Variants in COL28A1 observed in about 807,000 individuals in gnomAD.
COL28A1 encodes collagen type XXVIII alpha 1 chain.
COL28A1 carries 161 observed loss-of-function variants against 150.2 expected under a neutral mutation model. The ratio of observed to expected loss-of-function variants is 1.07; its 90% CI spans 0.94 to 1.22. The LOEUF (loss-of-function observed/expected upper bound fraction) is 1.22. Among genes scored for constraint, COL28A1 ranks in the 50% most tolerant of loss-of-function variants. The pLI is 0.00. For missense variants in COL28A1, 1,617 were observed against 1,388.3 expected (o/e 1.16, Z -2.62); for synonymous variants, 552 against 469.7 (o/e 1.18, Z -2.26).
At chr7:7,517,081 T>C (rs1251405808) in intron 7 of COL28A1, among the ~76,000 whole-genome samples, 1 of 152,198 alleles carries the variant, frequency 6.6e-6, no homozygotes, top group Non-Finnish European at 1.5e-5. Flanking sequence ...ACCTAAGAAA[T>C]GTTTCCTGAA....
chr7:7,437,025 G>A (rs936516571), intron 22 of COL28A1, among the ~76,000 whole-genome samples: 1 of 152,176 alleles, frequency 6.6e-6, no homozygotes, highest in African/African-American at 2.4e-5. Context: ...GGGAAAGAGT[G>A]AGACTGTCTC....
the COL28A1 span, among the ~76,000 whole-genome samples, chr7:7,340,034 A>T: frequency 8.7e-4 from 132 of 152,176 alleles, 1 homozygote; most frequent in African/African-American, 3.1e-3. Flanking sequence ...TCTATTTCCC[A>T]GGCTGGAGTA....
downstream of COL28A1, among the ~76,000 whole-genome samples, chr7:7,352,551 G>C (rs1385255042): frequency 6.6e-6 from 1 of 152,184 alleles, no homozygotes; most frequent in Non-Finnish European, 1.5e-5. Flanking sequence ...ATGGCAGAAT[G>C]TGAAGGACCC....
Position 7,440,808 on chromosome 7 carries a change from TG to T in COL28A1, c.1703del (p.Pro568GlnfsTer116). 6.6e-7 allele frequency: 1 copy of T among 1,513,112 alleles called. No individual in the cohort carries two copies. Among genetic ancestry groups the T allele is most frequent in the Non-Finnish European group, 9.2e-7 (1 of 1,089,260 alleles). 93.7% of individuals were successfully genotyped at this position (1,513,112 alleles called of 1,614,324 possible). A position where few individuals can be genotyped will look rare whatever the true frequency, so the allele number is the denominator to read the frequency against. ...SKGNQGQRGLPGPEGPKGEPG... is the reference protein window; with the variant it reads ...SKGNQGQRGLXGPEGPKGEPG... The stretch of plus-strand genomic sequence containing the variant: ...AACATACCTTTGGTCCTTCGGGCCC[TG>T]GAAGTCCCCTCTGTCCTTGATTTCC... On this transcript the variant is annotated frameshift_variant, in exon 21 of 35. Coordinates refer to ENST00000399429, the MANE Select transcript of COL28A1 (RefSeq NM_001037763.3). LOFTEE classifies it high-confidence loss of function.
chr7:7,504,642 C>T (rs1270882873), intron 11 of COL28A1, among the ~76,000 whole-genome samples: 5 of 152,230 alleles, frequency 3.3e-5, no homozygotes, highest in Non-Finnish European at 2.9e-5. Flanking sequence ...CCAGCACCAC[C>T]TCAGTGCCCT....
At position 7,520,097 on chromosome 7, in the gene COL28A1, CT is replaced by C; in HGVS notation, c.777del (p.Gly260ValfsTer46). ...TTTGGTCCTCGCTCACCTTTGATAC[CT>C]GGATTTCCATGTGTACCCTGAAGGC... is the stretch of plus-strand genomic sequence containing the variant. ...DPGPPGTHGN[P>X]GIKGERGPKG... On this transcript the variant is annotated frameshift_variant, in exon 6 of 35. Transcript: ENST00000399429. LOFTEE classifies it high-confidence loss of function. 7.0e-7 allele frequency: 1 copy of C among 1,420,644 alleles called. No homozygotes were observed. The highest frequency in any genetic ancestry group is 1.2e-5 in the South Asian group (1 of 86,200). The allele number at this position is 1,420,644 out of a possible 1,614,324, so 88.0% of individuals were successfully genotyped here.
intron 13 of COL28A1, among the ~76,000 whole-genome samples, chr7:7,486,421 T>C (rs1299333114): frequency 6.6e-6 from 1 of 152,208 alleles, no homozygotes; most frequent in African/African-American, 2.4e-5. Context: ...TTTATACCAA[T>C]GCCTTATATT....
intron 27 of COL28A1, among the ~76,000 whole-genome samples, chr7:7,385,273 G>T (rs1344491147): frequency 6.6e-6 from 1 of 152,182 alleles, no homozygotes; most frequent in South Asian, 2.1e-4. Flanking sequence ...GAAGGTTTGG[G>T]TTGCAAGGGA....
In COL28A1 at chr7:7,374,077, T is replaced by G. The variant is rs180891046; in HGVS notation, c.2360-531A>C. On this transcript the variant is annotated intron_variant, in intron 31 of 34. Transcript: ENST00000399429. Reference sequence around the variant, plus strand: ...TATATATATACTTGGAAAAACACCGTAGTTGATAAAATAATAAATACTTAT... The same window carrying G: ...TATATATATACTTGGAAAAACACCGGAGTTGATAAAATAATAAATACTTAT... 3.4e-3 allele frequency among the ~76,000 whole-genome samples: 481 copies of G among 140,968 alleles called. 6 individuals carry two copies. Among genetic ancestry groups the G allele is most frequent in the African/African-American group, 0.013 (467 of 36,782 alleles). The allele number at this position is 140,968 out of a possible 152,430, so 92.5% of individuals were successfully genotyped here. A position where few individuals can be genotyped will look rare whatever the true frequency, so the allele number is the denominator to read the frequency against.
intron 11 of COL28A1, among the ~76,000 whole-genome samples, chr7:7,501,926 C>T (rs1360719796): frequency 1.3e-5 from 2 of 152,114 alleles, no homozygotes; most frequent in East Asian, 1.9e-4. Context: ...GACAGAGTCT[C>T]GCTCTGTCAC....
At chr7:7,427,841 A>G (rs1784731129) in intron 25 of COL28A1, among the ~76,000 whole-genome samples, 1 of 152,146 alleles carries the variant, frequency 6.6e-6, no homozygotes, top group African/African-American at 2.4e-5. Context: ...ATCCAACTGC[A>G]CACACAAAAG....
chr7:7,405,936 G>A (rs1320588566), intron 27 of COL28A1, among the ~76,000 whole-genome samples: 2 of 152,070 alleles, frequency 1.3e-5, no homozygotes, highest in Non-Finnish European at 2.9e-5. Flanking sequence ...ACCCTATCAT[G>A]GGGCAAAACC....
chr7:7,370,676 A>G (rs1781181073), intron 33 of COL28A1, 49 bp downstream of exon 33: 2 of 1,478,788 alleles, frequency 1.4e-6, no homozygotes, highest in South Asian at 2.5e-5. Context: ...TATGAAACAG[A>G]GAGAATACAC....
At chr7:7,404,207 G>C (rs1033836832) in intron 27 of COL28A1, among the ~76,000 whole-genome samples, 19 of 152,078 alleles carry the variant, frequency 1.2e-4, no homozygotes, top group Non-Finnish European at 2.6e-4. Context: ...AAAACAAGGT[G>C]GGGGAGGGAT....
chr7:7,373,602 T>A lies in COL28A1; in HGVS notation c.2360-56A>T. Reference sequence around the variant, plus strand: ...GTGGGAATGATTGACATCAGATTGTTGAGGGGAGGGGAGAAAAAGTCAATG... The same window carrying A: ...GTGGGAATGATTGACATCAGATTGTAGAGGGGAGGGGAGAAAAAGTCAATG... On this transcript the variant is annotated intron_variant, in intron 31 of 34. Transcript: ENST00000399429. The surrounding 1 kb of genome is among the most constrained non-coding windows in gnomAD (Gnocchi z 4.1). 6.9e-7 allele frequency: 1 copy of A among 1,458,604 alleles called. No homozygotes were observed. Among genetic ancestry groups the A allele is most frequent in the Non-Finnish European group, 9.4e-7 (1 of 1,065,628 alleles). 90.4% of individuals were successfully genotyped at this position (1,458,604 alleles called of 1,614,324 possible).
At chr7:7,409,042 C>T (rs2128302993) in intron 27 of COL28A1, among the ~76,000 whole-genome samples, 1 of 152,184 alleles carries the variant, frequency 6.6e-6, no homozygotes, top group Middle Eastern at 3.4e-3. Flanking sequence ...TATAGCCTAC[C>T]TCACAGGATG....
chr7:7,376,959 A>G (rs1781586795), intron 30 of COL28A1, among the ~76,000 whole-genome samples: 1 of 152,178 alleles, frequency 6.6e-6, no homozygotes, highest in South Asian at 2.1e-4. Flanking sequence ...ACTGGCTATT[A>G]TTATTATATC....
rs750836595 is a variant in COL28A1 at position 7,373,116 on chromosome 7, A to G, written c.2790T>C (p.Phe930=). 4 of 1,614,210 alleles carry G rather than the reference A, an allele frequency of 2.5e-6. No homozygotes were observed. In the Admixed American group the frequency reaches 6.7e-5, roughly 27 times the overall value. Residue 930 remains phenylalanine (F), a synonymous_variant, in exon 32 of 35, where the codon TTT becomes TTC. Coordinates refer to ENST00000399429, the MANE Select transcript of COL28A1 (RefSeq NM_001037763.3). This position sits in a 1 kb window ranked among gnomAD's most constrained non-coding sequence, Gnocchi z 4.1. The part of the protein sequence containing the change: ...KNASDTNVEI[F]VIGVVKKNDP... ...CATTTTTCTTCACCACCCCTATCAC[A>G]AATATCTCCACATTGGTGTCACTGG...
chr7:7,341,030 T>C, the COL28A1 span, among the ~76,000 whole-genome samples: 1 of 152,164 alleles, frequency 6.6e-6, no homozygotes, highest in East Asian at 1.9e-4. Flanking sequence ...CAGAGCCATG[T>C]GCATGCATAG....
Sources: allele counts gnomAD v4.1 joint callset (sites outside exome capture counted in the v4.1 genomes callset), GRCh38; gene constraint gnomAD v4.1.1; non-coding constraint Gnocchi (gnomAD v3.1); transcripts MANE v1.5; gene names NCBI Gene and HGNC (gene_info 2026-07-23, HGNC 2026-07-21).